The following LAMA1 variants were observed in gnomAD, a reference collection of about 807,000 sequenced individuals.
LAMA1 encodes laminin subunit alpha 1.
In LAMA1, 219 loss-of-function variants were observed where a neutral mutation model predicts 348.7. That is an observed-to-expected ratio of 0.63 (90% confidence interval 0.56 to 0.70). LAMA1 has a LOEUF of 0.70. Ranked by LOEUF, LAMA1 falls within the 30% of genes least tolerant of loss-of-function variation. The probability of loss-of-function intolerance (pLI) is 0.00; values close to 1 mark genes in which losing one functional copy is unlikely to be tolerated. For synonymous variants in LAMA1, 1,487 were observed against 1,491.0 expected (o/e 1.00, Z 0.06); for missense variants, 3,744 against 3,888.0 (o/e 0.96, Z 0.99).
At position 6,971,935 on chromosome 18, in the gene LAMA1, T is replaced by A. The variant is rs769821635; in HGVS notation, c.6821A>T (p.Glu2274Val). The change falls in exon 48 of 63, where the codon GAG (glutamate) becomes GTG (valine). Residue 2274 changes from glutamate (E) to valine (V), a missense_variant. Transcript: ENST00000389658. ...KVTHFKGCLGEAFLNGKSIGL... is the reference protein window; with the variant it reads ...KVTHFKGCLGVAFLNGKSIGL... Reference sequence around the variant, plus strand: ...TATGGATTTTCCATTCAGGAAGGCCTCCCCCAAGCAGCCTTTAAAATGAGT... The same window carrying A: ...TATGGATTTTCCATTCAGGAAGGCCACCCCCAAGCAGCCTTTAAAATGAGT... The A allele has an allele frequency of 3.7e-6, 6 of 1,613,842 alleles. No individual in the cohort carries two copies. The highest frequency in any genetic ancestry group is 4.2e-6 in the Non-Finnish European group (5 of 1,179,960).
rs1290100488 is a variant in LAMA1 at position 6,976,150 on chromosome 18, A to G, written c.6346-70T>C. 4 of 1,479,142 alleles carry G rather than the reference A, an allele frequency of 2.7e-6. No homozygotes were observed. In the African/African-American group the frequency reaches 4.2e-5, roughly 15 times the overall value. 91.6% of individuals were successfully genotyped at this position (1,479,142 alleles called of 1,614,324 possible). A position where few individuals can be genotyped will look rare whatever the true frequency, so the allele number is the denominator to read the frequency against. On this transcript the variant is annotated intron_variant, in intron 44 of 62. Coordinates refer to ENST00000389658, the MANE Select transcript of LAMA1 (RefSeq NM_005559.4). Reference sequence around the variant, plus strand: ...ACCGGCAGCTCACCAGCAGCTCAACAATGCTATTCTGTAATGAATTTTCAC... The same window carrying G: ...ACCGGCAGCTCACCAGCAGCTCAACGATGCTATTCTGTAATGAATTTTCAC...
At chr18:7,101,427 G>A (rs1485539160) in intron 1 of LAMA1, among the ~76,000 whole-genome samples, 1 of 152,138 alleles carries the variant, frequency 6.6e-6, no homozygotes, top group Admixed American at 6.6e-5. Flanking sequence ...AGAGAAGTCT[G>A]AATACCCAAA....
chr18:6,978,367 T>C lies in LAMA1; in HGVS notation c.6019A>G (p.Lys2007Glu), dbSNP rs928985177. The stretch of plus-strand genomic sequence containing the variant: ...GCCAGCTCTTTGGTTTTGGCTCCCT[T>C]GTCTCTTATACCTAAAATAAATGTA... ...LRAIPKGIRD[K>E]GAKTKELATS... The change falls in exon 43 of 63, where the codon AAG becomes GAG. Residue 2007 changes from lysine (K) to glutamate (E), a missense_variant. Physicochemically the swap from Lys to Glu is moderately conservative, Grantham distance 56. Around this residue, in one of 3 missense-constraint regions of LAMA1, gnomAD observed 1,983 missense variants for 1,934.3 expected, o/e 1.03. Coordinates refer to ENST00000389658, the MANE Select transcript of LAMA1 (RefSeq NM_005559.4). The C allele has an allele frequency of 5.0e-6, 8 of 1,614,118 alleles. No individual in the cohort carries two copies. The highest frequency in any genetic ancestry group is 5.9e-6 in the Non-Finnish European group (7 of 1,180,030).
At chr18:6,958,168 T>G (rs1379792482) in intron 55 of LAMA1, among the ~76,000 whole-genome samples, 1 of 152,146 alleles carries the variant, frequency 6.6e-6, no homozygotes. Context: ...GAGACTTACA[T>G]CACAAAATCC....
At chr18:6,970,622 CCTAA>C (rs1475616835) in intron 48 of LAMA1, among the ~76,000 whole-genome samples, 11 of 151,858 alleles carry the variant, frequency 7.2e-5, no homozygotes, top group Non-Finnish European at 1.5e-4. Context: ...AACCTCTGGT[CCTAA>C]CTTTTTTTTT....
chr18:6,982,079 G>A (rs1194196521), intron 41 of LAMA1, among the ~76,000 whole-genome samples: 2 of 152,098 alleles, frequency 1.3e-5, no homozygotes, highest in African/African-American at 4.8e-5. Flanking sequence ...CCTACCATGA[G>A]TCTAATATGA....
At chr18:7,078,416 T>C (rs2058179836) in intron 3 of LAMA1, among the ~76,000 whole-genome samples, 1 of 151,856 alleles carries the variant, frequency 6.6e-6, no homozygotes, top group African/African-American at 2.4e-5. Flanking sequence ...TCCACCCGCC[T>C]TGGCCTCCCA....
intron 61 of LAMA1, 47 bp from the exon 62 acceptor site, chr18:6,943,449 G>C (rs1312417072): frequency 6.8e-7 from 1 of 1,466,096 alleles, no homozygotes; most frequent in Non-Finnish European, 9.6e-7. Context: ...AAGGAACACA[G>C]TCCATTTGTA....
chr18:7,107,663 A>C (rs1229963925), intron 1 of LAMA1, among the ~76,000 whole-genome samples: 1 of 152,146 alleles, frequency 6.6e-6, no homozygotes, highest in Admixed American at 6.6e-5. Flanking sequence ...AAATTTAAAA[A>C]CTGAATAGAA....
chr18:7,000,565 A>G (rs1452503284), intron 30 of LAMA1, among the ~76,000 whole-genome samples: 17 of 152,374 alleles, frequency 1.1e-4, no homozygotes, highest in Non-Finnish European at 1.5e-5. Flanking sequence ...AGAGCCTCTC[A>G]AAGTTTAATC....
chr18:7,011,245 A>G lies in LAMA1; in HGVS notation c.3687+55T>C, dbSNP rs1600391726. The G allele has an allele frequency of 4.4e-6, 7 of 1,575,300 alleles. No homozygotes were observed. The East Asian group carries it at 1.6e-4, about 36-fold the overall frequency. Reference sequence around the variant, plus strand: ...GCCCAGACTATGGTGATTTTAAACAATTTCTGTATATCCTAGGAAGCACCG... The same window carrying G: ...GCCCAGACTATGGTGATTTTAAACAGTTTCTGTATATCCTAGGAAGCACCG... On this transcript the variant is annotated intron_variant, in intron 25 of 62. Coordinates refer to ENST00000389658, the MANE Select transcript of LAMA1 (RefSeq NM_005559.4).
chr18:7,060,690 C>T (rs1176819455), intron 3 of LAMA1, among the ~76,000 whole-genome samples: 1 of 152,102 alleles, frequency 6.6e-6, no homozygotes, highest in Admixed American at 6.6e-5. Flanking sequence ...TAAATAGTAA[C>T]CCATGATCGG....
At position 6,992,647 on chromosome 18, in the gene LAMA1, G is replaced by A. The variant is rs142729521; in HGVS notation, c.5082C>T (p.Asn1694=). 8 of 1,613,636 alleles carry A rather than the reference G, an allele frequency of 5.0e-6. No individual in the cohort carries two copies. In the African/African-American group the frequency reaches 1.1e-4, roughly 22 times the overall value. Residue 1694 remains asparagine (N), a synonymous_variant, in exon 36 of 63, where the codon AAC becomes AAT. Coordinates refer to ENST00000389658, the MANE Select transcript of LAMA1 (RefSeq NM_005559.4). ...DFLLPNSTLQ[N]MQQNGTSLLE... Reference sequence around the variant, plus strand: ...GCAAAGATGTACCATTCTGTTGCATGTTCTGAAGAGTAGAATTGGGTAGTA... The same window carrying A: ...GCAAAGATGTACCATTCTGTTGCATATTCTGAAGAGTAGAATTGGGTAGTA...
In LAMA1 at chr18:6,961,752, C is replaced by A; in HGVS notation, c.7460G>T (p.Arg2487Leu). Residue 2487 changes from arginine (R) to leucine (L), a missense_variant, in exon 53 of 63, where the codon CGG (arginine) becomes CTG (leucine). Arg to Leu is a moderately radical substitution (Grantham distance 102). Transcript: ENST00000389658. ...VRKGCLLEPI[R>L]SVSFLKGGYI... ...GCCGCCTTTCAGGAAGCTAACACTC[C>A]GGATGGGCTGGACACAGAGGAGATG... 2 of 1,614,090 alleles carry A rather than the reference C, an allele frequency of 1.2e-6. No individual in the cohort carries two copies. The highest frequency in any genetic ancestry group is 1.7e-6 in the Non-Finnish European group (2 of 1,179,994).
chr18:6,998,026 T>A (rs2057790903), intron 32 of LAMA1, 142 bp from the exon 33 acceptor site: 3 of 764,382 alleles, frequency 3.9e-6, no homozygotes, highest in Non-Finnish European at 6.9e-6. Context: ...CCACATCTGA[T>A]CTCATTCTCA....
At chr18:7,082,907 A>G (rs1437303963) in intron 1 of LAMA1, among the ~76,000 whole-genome samples, 2 of 142,456 alleles carry the variant, frequency 1.4e-5, no homozygotes, top group Non-Finnish European at 2.9e-5. Context: ...ATTCACCCCC[A>G]CCAGTTGCAG....
At chr18:7,043,763 A>G (rs2058030384) in intron 7 of LAMA1, among the ~76,000 whole-genome samples, 1 of 152,194 alleles carries the variant, frequency 6.6e-6, no homozygotes, top group African/African-American at 2.4e-5. Flanking sequence ...TTAATAAATT[A>G]TACTACATTT....
chr18:6,968,280 C>T (rs2057642704), intron 48 of LAMA1, among the ~76,000 whole-genome samples: 2 of 152,200 alleles, frequency 1.3e-5, no homozygotes, highest in Non-Finnish European at 2.9e-5. Context: ...CACCAGACCT[C>T]CCTGATTCTC....
At chr18:6,977,214 A>G (rs1344094904) in intron 44 of LAMA1, among the ~76,000 whole-genome samples, 2 of 152,240 alleles carry the variant, frequency 1.3e-5, no homozygotes, top group Non-Finnish European at 2.9e-5. Context: ...CCAGGTGTCC[A>G]GTGCCTCAGG....
Sources: allele counts gnomAD v4.1 joint callset (sites outside exome capture counted in the v4.1 genomes callset), GRCh38; gene constraint gnomAD v4.1.1; regional missense constraint gnomAD v4.1.1; transcripts MANE v1.5; gene names NCBI Gene and HGNC (gene_info 2026-07-23, HGNC 2026-07-21).